The following NEURL1B variants were observed in gnomAD, a reference collection of about 807,000 sequenced individuals.
NEURL1B encodes the protein neuralized E3 ubiquitin protein ligase 1B, also known as E3 ubiquitin-protein ligase NEURL1B.
NEURL1B carries 13 observed loss-of-function variants against 37.4 expected under a neutral mutation model. The observed-to-expected ratio is 0.35, with a 90% CI of 0.23 to 0.55. NEURL1B has a LOEUF of 0.55. Among genes scored for constraint, NEURL1B ranks in the 20% least tolerant of loss-of-function variants. NEURL1B has a pLI of 0.89. For missense variants in NEURL1B, 790 were observed against 879.2 expected (o/e 0.90, Z 1.28); for synonymous variants, 432 against 426.6 (o/e 1.01, Z -0.16).
At chr5:172,674,459 A>G (rs1758190003) in intron 2 of NEURL1B, among the ~76,000 whole-genome samples, 1 of 152,122 alleles carries the variant, frequency 6.6e-6, no homozygotes, top group African/African-American at 2.4e-5. Flanking sequence ...TGACTAGCTT[A>G]GAACCACCAA....
intron 1 of NEURL1B, among the ~76,000 whole-genome samples, chr5:172,649,478 C>T (rs1195972602): frequency 6.6e-6 from 1 of 150,916 alleles, no homozygotes; most frequent in Non-Finnish European, 1.5e-5. Context: ...TCTCCTGCCT[C>T]AGCCTCCCAA....
Position 172,647,919 on chromosome 5 carries a change from T to C in NEURL1B, c.31+6482T>C, listed in dbSNP as rs1168817373. Among the ~76,000 whole-genome samples, 1 of 152,002 alleles carries C rather than the reference T, an allele frequency of 6.6e-6. No homozygotes were observed. The highest frequency in any genetic ancestry group is 1.5e-5 in the Non-Finnish European group (1 of 67,996). On this transcript the variant is annotated intron_variant, in intron 1 of 4. Transcript: ENST00000369800. This position sits in a 1 kb window ranked among gnomAD's most constrained non-coding sequence, Gnocchi z 4.2. ...CCCCCAATGGCAAGCATCACAGTGC[T>C]CCCAATACCTTCCCTGGGCCCAGGG...
intron 1 of NEURL1B, among the ~76,000 whole-genome samples, chr5:172,645,145 C>G (rs1757537286): frequency 6.6e-6 from 1 of 152,136 alleles, no homozygotes; most frequent in South Asian, 2.1e-4. Flanking sequence ...GGGCTTTACC[C>G]ACAGTATCTA....
rs1399833075 is a variant in NEURL1B, at chr5:172,676,780, G to A, written c.577+6450G>A. 1.3e-5 allele frequency among the ~76,000 whole-genome samples: 2 copies of A among 152,240 alleles called. No homozygotes were observed. Among genetic ancestry groups the A allele is most frequent in the African/African-American group, 2.4e-5 (1 of 41,462 alleles). On this transcript the variant is annotated intron_variant, in intron 2 of 4. Transcript: ENST00000369800. This position sits in a 1 kb window ranked among gnomAD's most constrained non-coding sequence, Gnocchi z 4.5. Reference sequence around the variant, plus strand: ...GAGCTTGATGTGGGTCATGTCTTCTGTTCCTTACAAGAATCCTGTGAGGCA... The same window carrying A: ...GAGCTTGATGTGGGTCATGTCTTCTATTCCTTACAAGAATCCTGTGAGGCA...
chr5:172,681,289 A>G (rs1042395989), intron 2 of NEURL1B, among the ~76,000 whole-genome samples: 1 of 152,238 alleles, frequency 6.6e-6, no homozygotes, highest in African/African-American at 2.4e-5. Flanking sequence ...AGAAAAATCT[A>G]AAGAAAAGTC....
At position 172,689,851 on chromosome 5, in the gene NEURL1B, CCCTT is replaced by C. The variant is rs1758601890; in HGVS notation, c.*2929_*2932del. On this transcript the variant is annotated 3_prime_UTR_variant, in exon 5 of 5. Coordinates refer to ENST00000369800, the MANE Select transcript of NEURL1B (RefSeq NM_001142651.3). ...CACACCCTGGGAGGAGAAGCGGCCT[CCCTT>C]CCAGGCTCATCTGCTCACTGCCCGC... 1 of 152,394 alleles carries C rather than the reference CCCTT, an allele frequency of 6.6e-6. No homozygotes were observed. The highest frequency in any genetic ancestry group is 2.4e-5 in the African/African-American group (1 of 41,466). 9.4% of individuals were successfully genotyped at this position (152,394 alleles called of 1,614,324 possible).
chr5:172,646,786 G>C (rs1757569819), intron 1 of NEURL1B, among the ~76,000 whole-genome samples: 1 of 152,082 alleles, frequency 6.6e-6, no homozygotes, highest in Non-Finnish European at 1.5e-5. Context: ...GTAAAGAAGA[G>C]ACATCAGCTA....
rs1184099524 is a variant in NEURL1B at position 172,691,540 on chromosome 5, A to G, written c.*4615A>G. On this transcript the variant is annotated 3_prime_UTR_variant, in exon 5 of 5. Transcript: ENST00000369800. ...AACTTTGGCTTGTTAAAAAAAAAAA[A>G]GTCTTCAGAACTCAATTTTTAAAAT... The G allele has an allele frequency of 6.6e-6, 1 of 151,852 alleles. No individual in the cohort carries two copies. The highest frequency in any genetic ancestry group is 1.9e-4 in the East Asian group (1 of 5,200). The allele number at this position is 151,852 out of a possible 1,614,324, so 9.4% of individuals were successfully genotyped here.
Position 172,641,636 on chromosome 5 carries a change from G to A in NEURL1B, c.31+199G>A, listed in dbSNP as rs542231145. Among the ~76,000 whole-genome samples, 1 of 152,214 alleles carries A rather than the reference G, an allele frequency of 6.6e-6. No homozygotes were observed. The highest frequency in any genetic ancestry group is 6.5e-5 in the Admixed American group (1 of 15,310). On this transcript the variant is annotated intron_variant, in intron 1 of 4. Transcript: ENST00000369800. The surrounding 1 kb of genome is among the most constrained non-coding windows in gnomAD (Gnocchi z 6.4). ...TGCGCCCCGGGAGGGCGGGTACCGC[G>A]TCCTGGTTACCTTGGGGACCCCAGT...
At chr5:172,643,953 A>T (rs1219692292) in intron 1 of NEURL1B, among the ~76,000 whole-genome samples, 1 of 151,544 alleles carries the variant, frequency 6.6e-6, no homozygotes, top group African/African-American at 2.4e-5. Flanking sequence ...CATGGCTCCC[A>T]CCAGGCTTCC....
rs1002314009 is a variant in NEURL1B at position 172,641,268 on chromosome 5, C to G, written c.-139C>G. 2.7e-6 allele frequency: 2 copies of G among 738,338 alleles called. No homozygotes were observed. The highest frequency in any genetic ancestry group is 3.6e-6 in the Non-Finnish European group (2 of 552,048). The allele number at this position is 738,338 out of a possible 1,614,324, so 45.7% of individuals were successfully genotyped here. A position where few individuals can be genotyped will look rare whatever the true frequency, so the allele number is the denominator to read the frequency against. On this transcript the variant is annotated 5_prime_UTR_variant, in exon 1 of 5. Transcript: ENST00000369800. This position sits in a 1 kb window ranked among gnomAD's most constrained non-coding sequence, Gnocchi z 6.4. The stretch of plus-strand genomic sequence containing the variant: ...CCGCCGCCTCCCTCCCGGCTCCCGC[C>G]CCAGCTGCCGCCCGCCGGCTCGCCC...
In NEURL1B at chr5:172,683,144, G is replaced by A. The variant is rs776140694; in HGVS notation, c.578-275G>A. Reference sequence around the variant, plus strand: ...AAAAGGAGGGATGGAAGAAGAGAAAGGAGGAGGCAGGGGAAAAAGGGCCTT... The same window carrying A: ...AAAAGGAGGGATGGAAGAAGAGAAAAGAGGAGGCAGGGGAAAAAGGGCCTT... On this transcript the variant is annotated intron_variant, in intron 2 of 4. Coordinates refer to ENST00000369800, the MANE Select transcript of NEURL1B (RefSeq NM_001142651.3). This position sits in a 1 kb window ranked among gnomAD's most constrained non-coding sequence, Gnocchi z 5.6. 2.0e-5 allele frequency among the ~76,000 whole-genome samples: 3 copies of A among 152,190 alleles called. No individual in the cohort carries two copies. The highest frequency in any genetic ancestry group is 4.8e-5 in the African/African-American group (2 of 41,436).
chr5:172,658,488 G>A (rs961822561), intron 1 of NEURL1B, among the ~76,000 whole-genome samples: 1 of 152,158 alleles, frequency 6.6e-6, no homozygotes, highest in South Asian at 2.1e-4. Flanking sequence ...GACGAGACAC[G>A]CATCAGAGTC....
chr5:172,651,834 G>A (rs1757671176), intron 1 of NEURL1B, among the ~76,000 whole-genome samples: 1 of 152,206 alleles, frequency 6.6e-6, no homozygotes, highest in African/African-American at 2.4e-5. Context: ...GACTCCAATT[G>A]CATCTAAATA....
intron 1 of NEURL1B, among the ~76,000 whole-genome samples, chr5:172,646,953 G>A (rs1757572810): frequency 6.6e-6 from 1 of 151,836 alleles, no homozygotes. Context: ...GGAGGCGGGG[G>A]CCGGGGGTAA....
In NEURL1B at chr5:172,665,836, C is replaced by G. The variant is rs371734434; in HGVS notation, c.32-3949C>G. On this transcript the variant is annotated intron_variant, in intron 1 of 4. Transcript: ENST00000369800. This position sits in a 1 kb window ranked among gnomAD's most constrained non-coding sequence, Gnocchi z 4.1. ...GCCTCCTCCAGGCCCCTAGTCCCCC[C>G]GGTGCCATCGCCTGAGATGGTCTTT... Among the ~76,000 whole-genome samples, 6 of 152,174 alleles carry G rather than the reference C, an allele frequency of 3.9e-5. No homozygotes were observed. Among genetic ancestry groups the G allele is most frequent in the African/African-American group, 9.7e-5 (4 of 41,436 alleles).
chr5:172,679,928 C>A (rs1758316542), intron 2 of NEURL1B, among the ~76,000 whole-genome samples: 1 of 152,146 alleles, frequency 6.6e-6, no homozygotes, highest in Non-Finnish European at 1.5e-5. Flanking sequence ...CTCAGAGTTC[C>A]CCCACTGACA....
chr5:172,648,961 C>T (rs1025884092), intron 1 of NEURL1B, among the ~76,000 whole-genome samples: 2 of 152,222 alleles, frequency 1.3e-5, no homozygotes, highest in African/African-American at 4.8e-5. Context: ...ATGCCATCCC[C>T]AGGGAAGCAA....
chr5:172,671,804 A>G (rs1360366462), intron 2 of NEURL1B, among the ~76,000 whole-genome samples: 2 of 152,200 alleles, frequency 1.3e-5, no homozygotes, highest in African/African-American at 4.8e-5. Context: ...TTACCCCACC[A>G]TTGGGCAAGG....
Sources: allele counts gnomAD v4.1 joint callset (sites outside exome capture counted in the v4.1 genomes callset), GRCh38; gene constraint gnomAD v4.1.1; non-coding constraint Gnocchi (gnomAD v3.1); transcripts MANE v1.5; gene names NCBI Gene and HGNC (gene_info 2026-07-23, HGNC 2026-07-21).